The following NRXN3 variants were observed in gnomAD, a reference collection of about 807,000 sequenced individuals.
The protein encoded by NRXN3 is neurexin III.
A neutral mutation model predicts 137.6 loss-of-function variants in NRXN3; 32 were observed. The observed-to-expected ratio is 0.23, with a 90% CI of 0.18 to 0.31. The LOEUF is 0.31. Ranked by LOEUF, NRXN3 falls within the 10% of genes least tolerant of loss-of-function variation. NRXN3 has a pLI of 1.00. For synonymous variants in NRXN3, 798 were observed against 784.5 expected (o/e 1.02, Z -0.29); for missense variants, 1,574 against 2,062.5 (o/e 0.76, Z 4.59).
chr14:79,660,037 T>C (rs1438569082), intron 16 of NRXN3, among the ~76,000 whole-genome samples: 1 of 152,166 alleles, frequency 6.6e-6, no homozygotes, highest in African/African-American at 2.4e-5. Context: ...CCTGTCCTTA[T>C]AGTGTATTAT....
intron 4 of NRXN3, among the ~76,000 whole-genome samples, chr14:78,449,006 G>A (rs1029675002): frequency 5.9e-5 from 9 of 152,134 alleles, no homozygotes; most frequent in South Asian, 2.1e-4. Context: ...CCCTGGGCGC[G>A]GAGAGAGTGA....
chr14:79,507,061 CAG>C (rs761576218), intron 16 of NRXN3, among the ~76,000 whole-genome samples: 3 of 152,170 alleles, frequency 2.0e-5, no homozygotes, highest in Non-Finnish European at 2.9e-5. Context: ...CTCTAATAGA[CAG>C]AGTCACATTT....
chr14:78,943,629 T>A (rs1421735927), intron 10 of NRXN3, among the ~76,000 whole-genome samples: 961 of 11,640 alleles, frequency 0.083, 57 homozygotes, highest in African/African-American at 0.27. Flanking sequence ...AAAATATATA[T>A]ATATATATAT....
chr14:79,791,946 G>A lies in NRXN3; in HGVS notation c.4015-13166G>A, dbSNP rs554233606. On this transcript the variant is annotated intron_variant, in intron 19 of 20. Coordinates refer to ENST00000335750, the MANE Select transcript of NRXN3 (RefSeq NM_001330195.2). Reference sequence around the variant, plus strand: ...CTGCAATAGTCATCTTCCCTGCTACGCTGAAAGCACTTTAAAGGCAAGGAC... The same window carrying A: ...CTGCAATAGTCATCTTCCCTGCTACACTGAAAGCACTTTAAAGGCAAGGAC... Among the ~76,000 whole-genome samples, 59 of 152,240 alleles carry A rather than the reference G, an allele frequency of 3.9e-4. 1 individual carries two copies. The highest frequency in any genetic ancestry group is 1.4e-3 in the African/African-American group (57 of 41,544).
intron 16 of NRXN3, among the ~76,000 whole-genome samples, chr14:79,590,289 C>A (rs371552623): frequency 6.6e-6 from 1 of 152,088 alleles, no homozygotes; most frequent in Admixed American, 6.5e-5. Flanking sequence ...TTTCCCTGCA[C>A]AAGCTCTCTC....
chr14:78,810,182 A>T (rs530427342), intron 9 of NRXN3, 136 bp from the exon 10 acceptor site: 1 of 624,382 alleles, frequency 1.6e-6, no homozygotes. Flanking sequence ...AAACTTGTAC[A>T]TACTTTATAT....
rs77750542 is a variant in NRXN3 at position 78,214,079 on chromosome 14, T to C, written c.-703-28312T>C. 4.0e-3 allele frequency among the ~76,000 whole-genome samples: 604 copies of C among 152,306 alleles called. 33 individuals are homozygous for C. The East Asian group carries it at 0.1, about 26-fold the overall frequency. On this transcript the variant is annotated intron_variant, in intron 1 of 20. Transcript: ENST00000335750. ...AAACCCTTCCAGTGGTTTCAACTGT[T>C]CTTCACATAAAGACTGCACCCTTTA...
intron 3 of NRXN3, among the ~76,000 whole-genome samples, chr14:78,281,284 G>A (rs762105653): frequency 3.9e-5 from 6 of 152,236 alleles, no homozygotes; most frequent in Non-Finnish European, 8.8e-5. Flanking sequence ...GAAACAAGAA[G>A]CCTTCAGCAG....
At chr14:79,417,005 G>A (rs766745821) in intron 15 of NRXN3, among the ~76,000 whole-genome samples, 3 of 152,128 alleles carry the variant, frequency 2.0e-5, no homozygotes, top group Non-Finnish European at 4.4e-5. Context: ...GAAGGCAGTA[G>A]AGAATAGAAC....
At chr14:79,832,724 T>C (rs2099327453) in intron 20 of NRXN3, among the ~76,000 whole-genome samples, 1 of 152,068 alleles carries the variant, frequency 6.6e-6, no homozygotes, top group Admixed American at 6.6e-5. Flanking sequence ...TATCACAGGA[T>C]TCCTATGGGG....
At chr14:78,549,004 A>G (rs1370446354) in intron 4 of NRXN3, among the ~76,000 whole-genome samples, 1 of 152,214 alleles carries the variant, frequency 6.6e-6, no homozygotes, top group Non-Finnish European at 1.5e-5. Context: ...AGAAGGGACC[A>G]GGACTCTCAC....
At chr14:78,586,101 A>G (rs2097059483) in intron 4 of NRXN3, among the ~76,000 whole-genome samples, 2 of 152,078 alleles carry the variant, frequency 1.3e-5, no homozygotes, top group African/African-American at 2.4e-5. Flanking sequence ...TTTAATTGGA[A>G]CCATTCATCT....
chr14:79,520,198 C>T (rs1408279121), intron 16 of NRXN3, among the ~76,000 whole-genome samples: 1 of 152,098 alleles, frequency 6.6e-6, no homozygotes, highest in African/African-American at 2.4e-5. Flanking sequence ...TTTAAGATCC[C>T]TATCGCTGAT....
intron 16 of NRXN3, among the ~76,000 whole-genome samples, chr14:79,580,264 G>A (rs1052725441): frequency 1.3e-5 from 2 of 152,140 alleles, no homozygotes; most frequent in African/African-American, 4.8e-5. Flanking sequence ...GAGTCCAAAT[G>A]TCCCTTTGAT....
At chr14:78,232,761 A>G (rs2065622878) in intron 1 of NRXN3, among the ~76,000 whole-genome samples, 2 of 151,986 alleles carry the variant, frequency 1.3e-5, no homozygotes, top group African/African-American at 4.8e-5. Context: ...TTGAAGGGTG[A>G]TTATCTTCAT....
At chr14:79,039,153 A>G (rs951578508) in intron 15 of NRXN3, among the ~76,000 whole-genome samples, 1 of 152,134 alleles carries the variant, frequency 6.6e-6, no homozygotes, top group African/African-American at 2.4e-5. Context: ...TTGGAACTGT[A>G]TCTATGGAAT....
At chr14:79,295,820 T>G (rs2083995343) in intron 15 of NRXN3, among the ~76,000 whole-genome samples, 1 of 152,206 alleles carries the variant, frequency 6.6e-6, no homozygotes, top group Admixed American at 6.5e-5. Context: ...CTCCATAATA[T>G]CTGGTCTGCA....
At chr14:79,375,236 T>TG (rs71131698) in intron 15 of NRXN3, among the ~76,000 whole-genome samples, 12 of 17,434 alleles carry the variant, frequency 6.9e-4, no homozygotes, top group South Asian at 2.1e-3. Flanking sequence ...AGTTTTTGTG[T>TG]TTTTTTTTTT....
chr14:78,590,422 A>G (rs954012800), intron 4 of NRXN3, among the ~76,000 whole-genome samples: 3 of 152,210 alleles, frequency 2.0e-5, no homozygotes, highest in Admixed American at 6.5e-5. Context: ...TATTCCAGGG[A>G]ATACTTTCAA....
Sources: allele counts gnomAD v4.1 joint callset (sites outside exome capture counted in the v4.1 genomes callset), GRCh38; gene constraint gnomAD v4.1.1; transcripts MANE v1.5; gene names NCBI Gene and HGNC (gene_info 2026-07-23, HGNC 2026-07-21).